The following LRRC4C variants were observed in gnomAD, a reference collection of about 807,000 sequenced individuals.
LRRC4C encodes leucine rich repeat containing 4C, also known as leucine-rich repeat-containing protein 4C.
LRRC4C carries 5 observed loss-of-function variants against 33.6 expected under a neutral mutation model. The observed-to-expected ratio is 0.15, with a 90% CI of 0.08 to 0.31. LRRC4C has a LOEUF of 0.31. Ranked by LOEUF, LRRC4C falls within the 10% of genes least tolerant of loss-of-function variation. The pLI, the probability that LRRC4C is intolerant of heterozygous loss-of-function variation, is 1.00. For synonymous variants in LRRC4C, 329 were observed against 302.0 expected (o/e 1.09, Z -0.93); for missense variants, 560 against 796.7 (o/e 0.70, Z 3.58).
intron 5 of LRRC4C, among the ~76,000 whole-genome samples, chr11:40,205,986 T>C (rs1262755591): frequency 6.6e-6 from 1 of 152,196 alleles, no homozygotes; most frequent in African/African-American, 2.4e-5. Flanking sequence ...ATATTTTATT[T>C]GTATCTTTCT....
intron 6 of LRRC4C, among the ~76,000 whole-genome samples, chr11:40,131,704 A>G (rs2134820012): frequency 6.6e-6 from 1 of 152,304 alleles, no homozygotes; most frequent in South Asian, 2.1e-4. Flanking sequence ...AGAAAGCTTT[A>G]GAACAGTGTC....
intron 5 of LRRC4C, among the ~76,000 whole-genome samples, chr11:40,168,563 A>G (rs952464457): frequency 6.6e-6 from 1 of 152,226 alleles, no homozygotes; most frequent in Non-Finnish European, 1.5e-5. Context: ...AGCTAGCAGC[A>G]CAGAGCACAA....
chr11:40,965,381 C>T (rs1300871350), intron 1 of LRRC4C, among the ~76,000 whole-genome samples: 2 of 152,042 alleles, frequency 1.3e-5, no homozygotes, highest in Non-Finnish European at 2.9e-5. Flanking sequence ...AATGAGGTCC[C>T]ATTTGTCAAT....
At chr11:40,762,745 T>A (rs1465611674) in intron 2 of LRRC4C, among the ~76,000 whole-genome samples, 1 of 152,130 alleles carries the variant, frequency 6.6e-6, no homozygotes, top group Non-Finnish European at 1.5e-5. Flanking sequence ...ATCTGTATCC[T>A]AAAATATAAA....
At chr11:41,446,838 G>A (rs1039824639) in intron 1 of LRRC4C, among the ~76,000 whole-genome samples, 4 of 152,104 alleles carry the variant, frequency 2.6e-5, no homozygotes, top group Non-Finnish European at 5.9e-5. Context: ...TCCTTACCAA[G>A]GAGACTGTGG....
chr11:40,174,814 G>T (rs1251547302), intron 5 of LRRC4C, among the ~76,000 whole-genome samples: 1 of 152,100 alleles, frequency 6.6e-6, no homozygotes, highest in Admixed American at 6.6e-5. Context: ...TATTTCACTT[G>T]CTTCTCCCAG....
intron 5 of LRRC4C, among the ~76,000 whole-genome samples, chr11:40,147,049 A>C (rs1857795848): frequency 6.6e-6 from 1 of 152,190 alleles, no homozygotes; most frequent in African/African-American, 2.4e-5. Context: ...TGTCTAGATT[A>C]TCAGAAAGCC....
At chr11:40,367,242 G>A (rs2137226052) in intron 3 of LRRC4C, among the ~76,000 whole-genome samples, 1 of 152,150 alleles carries the variant, frequency 6.6e-6, no homozygotes, top group African/African-American at 2.4e-5. Flanking sequence ...AAGAACATGA[G>A]TTAACTAGTA....
chr11:41,164,345 T>G (rs992628157), intron 1 of LRRC4C, among the ~76,000 whole-genome samples: 1 of 152,150 alleles, frequency 6.6e-6, no homozygotes, highest in South Asian at 2.1e-4. Flanking sequence ...ATAACAAGCA[T>G]GAAGCCATTG....
At chr11:41,431,125 C>A (rs1955218736) in intron 1 of LRRC4C, among the ~76,000 whole-genome samples, 1 of 151,960 alleles carries the variant, frequency 6.6e-6, no homozygotes, top group African/African-American at 2.4e-5. Flanking sequence ...GTACATTAAC[C>A]TGAATTTTCA....
At chr11:40,117,662 A>C (rs1220871135) in intron 6 of LRRC4C, among the ~76,000 whole-genome samples, 1 of 151,830 alleles carries the variant, frequency 6.6e-6, no homozygotes, top group Non-Finnish European at 1.5e-5. Context: ...CTCTCAACTC[A>C]ATAAACAGTG....
chr11:40,706,896 G>C (rs1273505677), intron 2 of LRRC4C, among the ~76,000 whole-genome samples: 1 of 152,136 alleles, frequency 6.6e-6, no homozygotes, highest in African/African-American at 2.4e-5. Flanking sequence ...TTGAACAGTG[G>C]TTTGTAGTTC....
chr11:41,003,416 A>G (rs355240), intron 1 of LRRC4C, among the ~76,000 whole-genome samples: 56,723 of 151,964 alleles, frequency 0.37, 11,457 homozygotes, highest in African/African-American at 0.53. Context: ...AGAAAGGGAA[A>G]TAAAGGACAT....
At chr11:40,352,189 A>C (rs1459284000) in intron 3 of LRRC4C, among the ~76,000 whole-genome samples, 4 of 89,892 alleles carry the variant, frequency 4.4e-5, no homozygotes, top group African/African-American at 1.3e-4. Flanking sequence ...TTCCTTCCTT[A>C]CTTCCTTCGA....
chr11:40,733,098 T>C (rs1591578756), intron 2 of LRRC4C, among the ~76,000 whole-genome samples: 3 of 108,304 alleles, frequency 2.8e-5, no homozygotes, highest in Non-Finnish European at 3.5e-5. Context: ...TTTTTTGAGA[T>C]GGAGTCTCAC....
At chr11:40,244,747 C>G (rs1306975766) in intron 4 of LRRC4C, among the ~76,000 whole-genome samples, 1 of 151,014 alleles carries the variant, frequency 6.6e-6, no homozygotes, top group Admixed American at 6.6e-5. Context: ...TTTTTTTGGC[C>G]CTGAAGTACA....
At chr11:41,261,783 C>T (rs1948989962) in intron 1 of LRRC4C, among the ~76,000 whole-genome samples, 1 of 152,056 alleles carries the variant, frequency 6.6e-6, no homozygotes, top group Non-Finnish European at 1.5e-5. Flanking sequence ...AAGGAAACAG[C>T]ATGATCAGCT....
At chr11:41,102,532 C>T (rs1941253001) in intron 1 of LRRC4C, among the ~76,000 whole-genome samples, 1 of 152,032 alleles carries the variant, frequency 6.6e-6, no homozygotes, top group Admixed American at 6.6e-5. Flanking sequence ...ATATTACTTT[C>T]ATACTTATAG....
At chr11:41,132,572 T>C (rs1943064598) in intron 1 of LRRC4C, among the ~76,000 whole-genome samples, 1 of 152,068 alleles carries the variant, frequency 6.6e-6, no homozygotes, top group Non-Finnish European at 1.5e-5. Flanking sequence ...AAAACTATGG[T>C]TTAAGCATAT....
Sources: allele counts gnomAD v4.1 joint callset (sites outside exome capture counted in the v4.1 genomes callset), GRCh38; gene constraint gnomAD v4.1.1; transcripts MANE v1.5; gene names NCBI Gene and HGNC (gene_info 2026-07-23, HGNC 2026-07-21).